The following LARGE1 variants were observed in gnomAD, a reference collection of about 807,000 sequenced individuals.
The protein encoded by LARGE1 is LARGE xylosyl- and glucuronyltransferase 1, also known as xylosyl- and glucuronyltransferase LARGE1.
In LARGE1, 43 loss-of-function variants were observed where a neutral mutation model predicts 87.6. The ratio of observed to expected loss-of-function variants is 0.49; its 90% CI spans 0.38 to 0.63. LARGE1 has a LOEUF of 0.63. Among genes scored for constraint, LARGE1 ranks in the 30% least tolerant of loss-of-function variants. LARGE1 has a pLI of 0.00. For synonymous variants in LARGE1, 434 were observed against 394.6 expected (o/e 1.10, Z -1.18); for missense variants, 802 against 1,000.2 (o/e 0.80, Z 2.67).
At chr22:33,177,487 C>T (rs1285642783) in intron 11 of LARGE1, among the ~76,000 whole-genome samples, 1 of 151,916 alleles carries the variant, frequency 6.6e-6, no homozygotes, top group Non-Finnish European at 1.5e-5. Flanking sequence ...CTTTGTATCT[C>T]CTGCCTCAAG....
At chr22:33,524,790 A>C (rs2071801797) in intron 6 of LARGE1, among the ~76,000 whole-genome samples, 2 of 152,068 alleles carry the variant, frequency 1.3e-5, no homozygotes, top group Admixed American at 6.5e-5. Context: ...AACAAAAAAA[A>C]CTAAGTCCCA....
At chr22:33,509,346 T>C (rs377135506) in intron 6 of LARGE1, among the ~76,000 whole-genome samples, 1 of 152,260 alleles carries the variant, frequency 6.6e-6, no homozygotes, top group African/African-American at 2.4e-5. Context: ...ATCTGCAAAA[T>C]GGAGGCAGTG....
At chr22:33,377,448 T>C (rs2065024821) in intron 9 of LARGE1, among the ~76,000 whole-genome samples, 1 of 152,252 alleles carries the variant, frequency 6.6e-6, no homozygotes. Context: ...TCCCTGGGTA[T>C]GCACATAGTT....
chr22:33,337,571 C>T (rs751414098), intron 10 of LARGE1, 75 bp downstream of exon 10: 14 of 1,553,952 alleles, frequency 9.0e-6, no homozygotes, highest in Admixed American at 5.2e-5. Flanking sequence ...TGACATAGAG[C>T]CTGGCATGGG....
chr22:33,592,032 AAAAG>A lies in LARGE1; in HGVS notation c.615+12399_615+12402del, dbSNP rs889246588. On this transcript the variant is annotated intron_variant, in intron 5 of 14. Transcript: ENST00000397394. Reference sequence around the variant, plus strand: ...CAAAGGGAGACCCAGAGAAAGAAAGAAAAGAAAGGAAAAAAAGAAAGAGGAGAGG... The same window carrying A: ...CAAAGGGAGACCCAGAGAAAGAAAGAAAAGGAAAAAAAGAAAGAGGAGAGG... 5.6e-3 allele frequency among the ~76,000 whole-genome samples: 806 copies of A among 144,002 alleles called. 5 individuals are homozygous for A. The highest frequency in any genetic ancestry group is 0.02 in the African/African-American group (784 of 38,344). The allele number at this position is 144,002 out of a possible 152,430, so 94.5% of individuals were successfully genotyped here. A position where few individuals can be genotyped will look rare whatever the true frequency, so the allele number is the denominator to read the frequency against.
At chr22:33,356,838 G>A (rs1024432553) in intron 9 of LARGE1, among the ~76,000 whole-genome samples, 4 of 152,110 alleles carry the variant, frequency 2.6e-5, no homozygotes, top group African/African-American at 4.8e-5. Flanking sequence ...CAGAACAGAG[G>A]AGTAGGAAGA....
At chr22:33,823,974 G>C (rs893592941) in intron 1 of LARGE1, among the ~76,000 whole-genome samples, 1 of 152,076 alleles carries the variant, frequency 6.6e-6, no homozygotes. Flanking sequence ...CATTAGCTGA[G>C]TGCTCAGTAA....
intron 2 of LARGE1, among the ~76,000 whole-genome samples, chr22:33,742,954 G>A (rs2083941548): frequency 6.6e-6 from 1 of 152,034 alleles, no homozygotes; most frequent in South Asian, 2.1e-4. Flanking sequence ...AGCCTGGTGG[G>A]AGGGTCTTGG....
chr22:33,212,707 C>T (rs758492768), intron 11 of LARGE1, among the ~76,000 whole-genome samples: 11 of 152,142 alleles, frequency 7.2e-5, no homozygotes, highest in Non-Finnish European at 1.3e-4. Flanking sequence ...AAGGATTCAC[C>T]GTTCTAGATA....
At chr22:33,139,390 C>T in the LARGE1 span, among the ~76,000 whole-genome samples, 64,033 of 151,836 alleles carry the variant, frequency 0.42, 13,942 homozygotes, top group South Asian at 0.68. Context: ...TCCCTACTCT[C>T]TTTCCTCTCC....
rs751607663 is a variant in LARGE1, at chr22:33,432,212, G to A, written c.841C>T (p.Leu281=). The A allele has an allele frequency of 1.2e-6, 2 of 1,614,180 alleles. No individual in the cohort carries two copies. Among genetic ancestry groups the A allele is most frequent in the South Asian group, 2.2e-5 (2 of 91,082 alleles). ...GGCCATGGGCGGTGATTTTTCCACA[G>A]GTTTCCAAGGTACCAGTCACTCTGG... ...ENQSDWYLGN[L]WKNHRPWPAL... Residue 281 remains leucine, a synonymous_variant, in exon 7 of 15, where the codon CTG becomes TTG. Coordinates refer to ENST00000397394, the MANE Select transcript of LARGE1 (RefSeq NM_133642.5).
At chr22:33,820,486 T>C (rs2086786537) in intron 1 of LARGE1, among the ~76,000 whole-genome samples, 3 of 151,866 alleles carry the variant, frequency 2.0e-5, no homozygotes, top group Admixed American at 6.6e-5. Context: ...CATGCCCGGC[T>C]AATTTTTTAT....
At chr22:33,348,484 T>C (rs1940031109) in intron 9 of LARGE1, among the ~76,000 whole-genome samples, 1 of 152,154 alleles carries the variant, frequency 6.6e-6, no homozygotes, top group Non-Finnish European at 1.5e-5. Context: ...AAAGCTGTAA[T>C]GGCATTGTAG....
At chr22:33,406,170 A>C (rs912872496) in intron 7 of LARGE1, among the ~76,000 whole-genome samples, 9 of 152,120 alleles carry the variant, frequency 5.9e-5, no homozygotes, top group African/African-American at 2.2e-4. Flanking sequence ...TGGTGACTCC[A>C]TTCTTCTCTG....
the LARGE1 span, among the ~76,000 whole-genome samples, chr22:33,140,328 G>A: frequency 7.0e-6 from 1 of 142,778 alleles, no homozygotes; most frequent in Non-Finnish European, 1.6e-5. Context: ...AGTGGGTGCA[G>A]TGGGGAGAAA....
chr22:33,314,856 C>G (rs968556555), intron 11 of LARGE1, among the ~76,000 whole-genome samples: 5 of 152,144 alleles, frequency 3.3e-5, no homozygotes, highest in Non-Finnish European at 5.9e-5. Flanking sequence ...GTAGCCCTGG[C>G]TGAGTGACCT....
chr22:33,248,679 G>GT (rs1338722825), intron 11 of LARGE1, among the ~76,000 whole-genome samples: 2 of 152,166 alleles, frequency 1.3e-5, no homozygotes, highest in South Asian at 2.1e-4. Flanking sequence ...ATCATACAGA[G>GT]TATTTCCACT....
chr22:33,922,101 C>G (rs551200068), upstream of LARGE1, among the ~76,000 whole-genome samples: 3 of 152,242 alleles, frequency 2.0e-5, no homozygotes, highest in South Asian at 2.1e-4. Context: ...GCCGCCGGGT[C>G]TTTGCCTTCC....
intron 6 of LARGE1, among the ~76,000 whole-genome samples, chr22:33,535,514 A>G (rs1479636332): frequency 3.3e-5 from 5 of 151,938 alleles, no homozygotes; most frequent in Non-Finnish European, 7.4e-5. Flanking sequence ...CTGTACTCCA[A>G]CCTGGGTGAT....
Sources: gnomAD v4.1 joint callset for allele counts (sites outside exome capture counted in the v4.1 genomes callset) on GRCh38, gnomAD v4.1.1 for gene constraint, MANE v1.5 for transcripts, NCBI Gene and HGNC (gene_info 2026-07-23, HGNC 2026-07-21) for gene names.